CORIN: variants seen among roughly 807,000 people sequenced by gnomAD.
CORIN encodes atrial natriuretic peptide-converting enzyme.
CORIN carries 117 observed loss-of-function variants against 125.3 expected under a neutral mutation model. The observed-to-expected ratio is 0.93, with a 90% CI of 0.80 to 1.09. The LOEUF (loss-of-function observed/expected upper bound fraction) is 1.09. CORIN is among the 50% of genes least tolerant of loss of function. CORIN has a pLI of 0.00. For missense variants in CORIN, 1,253 were observed against 1,306.7 expected (o/e 0.96, Z 0.63); for synonymous variants, 450 against 466.4 (o/e 0.96, Z 0.45).
At chr4:47,778,459 T>C (rs1206593707) in intron 3 of CORIN, among the ~76,000 whole-genome samples, 2 of 152,168 alleles carry the variant, frequency 1.3e-5, no homozygotes, top group African/African-American at 4.8e-5. Flanking sequence ...GTTTGCTCTT[T>C]CTGGGAGGAA....
At chr4:47,743,357 C>G (rs556829860) in intron 5 of CORIN, among the ~76,000 whole-genome samples, 1 of 152,184 alleles carries the variant, frequency 6.6e-6, no homozygotes, top group East Asian at 1.9e-4. Context: ...AGAATTCATA[C>G]AAAACTATAA....
At chr4:47,625,815 G>A (rs1321495938) in intron 17 of CORIN, among the ~76,000 whole-genome samples, 1 of 152,124 alleles carries the variant, frequency 6.6e-6, no homozygotes, top group Non-Finnish European at 1.5e-5. Flanking sequence ...AGGTTTAAAC[G>A]AGTCAGTGTA....
intron 21 of CORIN, among the ~76,000 whole-genome samples, chr4:47,599,777 G>A (rs1050138923): frequency 6.6e-6 from 1 of 152,104 alleles, no homozygotes; most frequent in Non-Finnish European, 1.5e-5. Flanking sequence ...CCTGGAAGTT[G>A]GGGTGTTGAT....
intron 21 of CORIN, among the ~76,000 whole-genome samples, chr4:47,599,379 T>C (rs1037138582): frequency 6.6e-6 from 1 of 152,190 alleles, no homozygotes; most frequent in Non-Finnish European, 1.5e-5. Flanking sequence ...TTTATTTAAA[T>C]TGAGTTAGTA....
chr4:47,649,205 G>T (rs908722112), intron 13 of CORIN, among the ~76,000 whole-genome samples: 1 of 152,194 alleles, frequency 6.6e-6, no homozygotes, highest in African/African-American at 2.4e-5. Context: ...CGTGAAAGAG[G>T]CAGGATGAAG....
intron 21 of CORIN, among the ~76,000 whole-genome samples, chr4:47,598,315 G>A (rs1372098182): frequency 6.6e-6 from 1 of 152,034 alleles, no homozygotes; most frequent in African/African-American, 2.4e-5. Context: ...TAAAAAGTAG[G>A]TTTTGTTTGG....
chr4:47,643,336 G>C, intron 14 of CORIN, 80 bp from the exon 15 acceptor site: 3 of 1,270,016 alleles, frequency 2.4e-6, no homozygotes, highest in Non-Finnish European at 2.2e-6. Context: ...ATCTTCATGT[G>C]CCAGCAGGAG....
intron 1 of CORIN, among the ~76,000 whole-genome samples, chr4:47,827,670 T>A (rs1295901852): frequency 6.6e-6 from 1 of 152,236 alleles, no homozygotes; most frequent in Admixed American, 6.5e-5. Flanking sequence ...AAAGTTCTGC[T>A]CTTTTGCTAT....
chr4:47,831,567 C>A (rs1017355084), intron 1 of CORIN: 1 of 152,236 alleles, frequency 6.6e-6, no homozygotes, highest in Non-Finnish European at 1.5e-5. Context: ...AGAACATAAT[C>A]TCCCAACCTG....
At chr4:47,611,746 T>C (rs1721879218) in intron 19 of CORIN, among the ~76,000 whole-genome samples, 2 of 152,246 alleles carry the variant, frequency 1.3e-5, no homozygotes, top group Admixed American at 6.5e-5. Flanking sequence ...TAAGTGGCTG[T>C]TATTATTTAA....
At chr4:47,603,339 A>G in intron 20 of CORIN, 58 bp downstream of exon 20, 1 of 1,523,642 alleles carries the variant, frequency 6.6e-7, no homozygotes, top group Non-Finnish European at 9.0e-7. Flanking sequence ...TTTATAAATT[A>G]CCCACTCTCA....
chr4:47,750,120 G>T (rs1011588691), intron 4 of CORIN, among the ~76,000 whole-genome samples: 2 of 152,124 alleles, frequency 1.3e-5, no homozygotes, highest in Admixed American at 6.6e-5. Flanking sequence ...ACAATAGATG[G>T]CTTGTTCTCC....
At chr4:47,620,541 G>A (rs1315503712) in intron 19 of CORIN, among the ~76,000 whole-genome samples, 2 of 152,148 alleles carry the variant, frequency 1.3e-5, no homozygotes, top group African/African-American at 2.4e-5. Context: ...TATGATTGTG[G>A]GAGAATATTC....
intron 2 of CORIN, among the ~76,000 whole-genome samples, chr4:47,792,676 C>A (rs2109928528): frequency 6.6e-6 from 1 of 152,298 alleles, no homozygotes; most frequent in East Asian, 1.9e-4. Context: ...GCATTGCATT[C>A]TCTGGCCTCT....
chr4:47,835,364 C>T (rs1278811742), intron 1 of CORIN, among the ~76,000 whole-genome samples: 1 of 152,154 alleles, frequency 6.6e-6, no homozygotes, highest in Non-Finnish European at 1.5e-5. Flanking sequence ...AAACCTTTCC[C>T]CCTCAGATAC....
intron 10 of CORIN, among the ~76,000 whole-genome samples, chr4:47,673,931 A>G (rs1202500613): frequency 6.6e-6 from 1 of 152,184 alleles, no homozygotes; most frequent in African/African-American, 2.4e-5. Flanking sequence ...AGATGGGGCC[A>G]CTGCACTCCA....
At chr4:47,613,774 C>T (rs572811061) in intron 19 of CORIN, among the ~76,000 whole-genome samples, 1 of 130,368 alleles carries the variant, frequency 7.7e-6, no homozygotes, top group African/African-American at 3.0e-5. Flanking sequence ...CACATGGACA[C>T]AGGAAGGGGA....
At chr4:47,764,536 C>T (rs1006997550) in intron 3 of CORIN, among the ~76,000 whole-genome samples, 4 of 152,218 alleles carry the variant, frequency 2.6e-5, no homozygotes, top group Admixed American at 2.6e-4. Context: ...CTCTTATTCA[C>T]AATCGCCTCA....
intron 5 of CORIN, among the ~76,000 whole-genome samples, chr4:47,702,904 A>T (rs1726371448): frequency 6.6e-6 from 1 of 152,120 alleles, no homozygotes; most frequent in Non-Finnish European, 1.5e-5. Flanking sequence ...ATTTCAAAGC[A>T]TTAGCATTCT....
Sources: allele counts gnomAD v4.1 joint callset (sites outside exome capture counted in the v4.1 genomes callset), GRCh38; gene constraint gnomAD v4.1.1; transcripts MANE v1.5; gene names NCBI Gene and HGNC (gene_info 2026-07-23, HGNC 2026-07-21).